The following RAB38 variants were observed in gnomAD, a reference collection of about 807,000 sequenced individuals.
The protein encoded by RAB38 is ras-related protein Rab-38.
In RAB38, 15 loss-of-function variants were observed where a neutral mutation model predicts 18.4. The observed-to-expected ratio is 0.82, with a 90% CI of 0.55 to 1.26. The LOEUF is 1.26. RAB38 is among the 50% of genes most tolerant of loss of function. RAB38 has a pLI of 0.00. For synonymous variants in RAB38, 101 were observed against 104.4 expected, an observed-to-expected ratio of 0.97 and a Z score of 0.20; for missense variants, 294 against 267.4, an observed-to-expected ratio of 1.10 and a Z score of -0.69.
chr11:88,163,859 A>C (rs1399271717), intron 1 of RAB38, among the ~76,000 whole-genome samples: 3 of 152,064 alleles, frequency 2.0e-5, no homozygotes, highest in Non-Finnish European at 4.4e-5. Context: ...ATAATTTTAG[A>C]CTGGAGCCCA....
the RAB38 span, among the ~76,000 whole-genome samples, chr11:87,826,817 C>T: frequency 6.6e-6 from 1 of 152,174 alleles, no homozygotes; most frequent in African/African-American, 2.4e-5. Context: ...GTCTAGAACA[C>T]ACCCAGATAA....
the RAB38 span, among the ~76,000 whole-genome samples, chr11:88,037,073 A>G: frequency 6.6e-6 from 1 of 152,094 alleles, no homozygotes; most frequent in Admixed American, 6.5e-5. Flanking sequence ...GAATTGGTCA[A>G]ATTTCCTACA....
the RAB38 span, among the ~76,000 whole-genome samples, chr11:88,035,001 T>C: frequency 6.6e-6 from 1 of 152,204 alleles, no homozygotes; most frequent in African/African-American, 2.4e-5. Context: ...GTTAATGTCG[T>C]TTTTTAAGTA....
At chr11:87,959,501 T>G in the RAB38 span, among the ~76,000 whole-genome samples, 1 of 152,202 alleles carries the variant, frequency 6.6e-6, no homozygotes, top group Non-Finnish European at 1.5e-5. Context: ...AATTCCTCTG[T>G]GCTGAGCATT....
chr11:87,814,062 TG>T, the RAB38 span, among the ~76,000 whole-genome samples: 3 of 152,168 alleles, frequency 2.0e-5, no homozygotes, highest in Non-Finnish European at 4.4e-5. Context: ...TATTTGTTTA[TG>T]GGGTTGTGCA....
At chr11:88,104,827 C>T in the RAB38 span, among the ~76,000 whole-genome samples, 4 of 152,014 alleles carry the variant, frequency 2.6e-5, no homozygotes, top group African/African-American at 7.2e-5. Flanking sequence ...ATCCTTTGTC[C>T]TCTCAATATT....
the RAB38 span, among the ~76,000 whole-genome samples, chr11:87,930,132 A>C: frequency 6.6e-6 from 1 of 152,050 alleles, no homozygotes; most frequent in African/African-American, 2.4e-5. Context: ...TCCCTGAGGA[A>C]TCGCCACACT....
chr11:87,812,238 T>TTCTTTTTTTCAAGCCA, the RAB38 span, among the ~76,000 whole-genome samples: 1 of 152,160 alleles, frequency 6.6e-6, no homozygotes, highest in African/African-American at 2.4e-5. Flanking sequence ...TTTTCAAGCC[T>TTCTTTTTTTCAAGCCA]CTTTTTGTTT....
At chr11:88,125,700 G>C (rs996905109) in intron 2 of RAB38, among the ~76,000 whole-genome samples, 1 of 152,170 alleles carries the variant, frequency 6.6e-6, no homozygotes, top group Non-Finnish European at 1.5e-5. Flanking sequence ...CTTTTGCTGT[G>C]CAGAAGCTCT....
chr11:87,880,295 A>G, the RAB38 span, among the ~76,000 whole-genome samples: 4 of 151,910 alleles, frequency 2.6e-5, no homozygotes, highest in East Asian at 5.9e-4. Flanking sequence ...TGCAAATGGA[A>G]TATGGGTGGA....
At chr11:88,110,512 A>C (rs908909328), downstream of RAB38, among the ~76,000 whole-genome samples, 2 of 152,074 alleles carry the variant, frequency 1.3e-5, no homozygotes, top group East Asian at 1.9e-4. Context: ...CCCAGAACCT[A>C]AAGTATAAAA....
At chr11:88,006,521 C>A in the RAB38 span, among the ~76,000 whole-genome samples, 1 of 147,544 alleles carries the variant, frequency 6.8e-6, no homozygotes, top group Non-Finnish European at 1.5e-5. Context: ...GATATGTAAT[C>A]AACCTAAATA....
the RAB38 span, among the ~76,000 whole-genome samples, chr11:87,830,776 ATAAAT>A: frequency 5.3e-5 from 8 of 152,188 alleles, no homozygotes; most frequent in African/African-American, 9.6e-5. Context: ...TTAAATTTTA[ATAAAT>A]TAAATAAAAT....
the RAB38 span, among the ~76,000 whole-genome samples, chr11:87,832,382 A>ACCGGCT: frequency 6.6e-6 from 1 of 152,304 alleles, no homozygotes; most frequent in South Asian, 2.1e-4. Context: ...TGAAGTCCGG[A>ACCGGCT]CCGGCTCAAC....
chr11:87,952,355 A>C, the RAB38 span, among the ~76,000 whole-genome samples: 1 of 152,188 alleles, frequency 6.6e-6, no homozygotes, highest in South Asian at 2.1e-4. Flanking sequence ...TCGAAGCTAA[A>C]GGTTACACTG....
the RAB38 span, among the ~76,000 whole-genome samples, chr11:88,044,039 C>G: frequency 2.0e-5 from 3 of 152,208 alleles, no homozygotes; most frequent in Admixed American, 1.3e-4. Context: ...ACACTTCAGT[C>G]TCTCCCTTCT....
At chr11:88,033,121 G>C in the RAB38 span, among the ~76,000 whole-genome samples, 1 of 151,838 alleles carries the variant, frequency 6.6e-6, no homozygotes, top group South Asian at 2.1e-4. Flanking sequence ...GCAAACTATT[G>C]CAAGAACAAA....
downstream of RAB38, among the ~76,000 whole-genome samples, chr11:88,110,766 A>G (rs1942463227): frequency 6.6e-6 from 1 of 150,772 alleles, no homozygotes; most frequent in African/African-American, 2.4e-5. Context: ...TCAGTGAGCT[A>G]TCGCACCACT....
At chr11:87,825,072 C>A in the RAB38 span, among the ~76,000 whole-genome samples, 1 of 152,066 alleles carries the variant, frequency 6.6e-6, no homozygotes, top group African/African-American at 2.4e-5. Flanking sequence ...AACTTCCCAA[C>A]ACCAACAACT....
Sources: gnomAD v4.1 joint callset for allele counts (sites outside exome capture counted in the v4.1 genomes callset) on GRCh38, gnomAD v4.1.1 for gene constraint, MANE v1.5 for transcripts, NCBI Gene and HGNC (gene_info 2026-07-23, HGNC 2026-07-21) for gene names.